The following CATSPERB variants were observed in gnomAD, a reference collection of about 807,000 sequenced individuals.
The protein encoded by CATSPERB is catsper channel auxiliary subunit beta.
Under a neutral mutation model 128.3 loss-of-function variants are expected in CATSPERB, and 93 were observed. The observed-to-expected ratio is 0.72, with a 90% CI of 0.61 to 0.86. The LOEUF (loss-of-function observed/expected upper bound fraction) is 0.86, where lower values mean the gene tolerates loss of function less well. Among genes scored for constraint, CATSPERB ranks in the 40% least tolerant of loss-of-function variants. The pLI is 0.00. For missense variants in CATSPERB, 1,153 were observed against 1,329.5 expected (o/e 0.87, Z 2.06); for synonymous variants, 381 against 448.8 (o/e 0.85, Z 1.91).
chr14:91,650,382 A>C (rs1281025137), intron 15 of CATSPERB, among the ~76,000 whole-genome samples: 2 of 152,162 alleles, frequency 1.3e-5, no homozygotes, highest in East Asian at 3.9e-4. Flanking sequence ...AATCACCATA[A>C]TTTGTTGTAG....
At chr14:91,675,837 G>A (rs1895183479) in intron 11 of CATSPERB, among the ~76,000 whole-genome samples, 1 of 152,142 alleles carries the variant, frequency 6.6e-6, no homozygotes, top group African/African-American at 2.4e-5. Flanking sequence ...CTCTTTCTCG[G>A]ACCCCAAAGT....
intron 1 of CATSPERB, among the ~76,000 whole-genome samples, chr14:91,730,053 C>G (rs56238219): frequency 0.09 from 13,701 of 152,188 alleles, 680 homozygotes; most frequent in Middle Eastern, 0.13. Context: ...CTGTAATGCA[C>G]TCCACTACGT....
chr14:91,698,070 TC>T (rs1336041123), intron 7 of CATSPERB, among the ~76,000 whole-genome samples: 1 of 152,134 alleles, frequency 6.6e-6, no homozygotes, highest in Non-Finnish European at 1.5e-5. Flanking sequence ...TGTTTTGTAC[TC>T]CTCCTTGTAG....
chr14:91,589,579 G>T lies in CATSPERB; in HGVS notation c.2911C>A (p.Leu971Met), dbSNP rs1166885672. Residue 971 changes from leucine (L) to methionine (M), a missense_variant, in exon 24 of 27, where the codon CTG (leucine) becomes ATG (methionine). Physicochemically the swap from Leu to Met is conservative, Grantham distance 15 (BLOSUM62 2). Transcript: ENST00000256343. Reference protein sequence around the residue: ...DGRVPLQSPYLVTVTEVNMRH... With the variant: ...DGRVPLQSPYMVTVTEVNMRH... ...ATGTTCACTTCAGTCACAGTAACCAGATATGGAGATTGCAATGGGACACGT... is the reference window on the plus strand; with the variant it reads ...ATGTTCACTTCAGTCACAGTAACCATATATGGAGATTGCAATGGGACACGT... 1.2e-6 allele frequency: 2 copies of T among 1,613,878 alleles called. No individual in the cohort carries two copies. Among genetic ancestry groups the T allele is most frequent in the African/African-American group, 2.7e-5 (2 of 74,914 alleles).
Position 91,724,086 on chromosome 14 carries a change from C to CT in CATSPERB, c.169-898dup, listed in dbSNP as rs1012446302. Among the ~76,000 whole-genome samples the CT allele has an allele frequency of 2.6e-5, 4 of 152,118 alleles. No individual in the cohort carries two copies. The South Asian group carries it at 6.2e-4, about 24-fold the overall frequency. On this transcript the variant is annotated intron_variant, in intron 3 of 26. Coordinates refer to ENST00000256343, the MANE Select transcript of CATSPERB (RefSeq NM_024764.4). ...ATTAAATGTCATAATGAACATTAAACTTTTTTTTAAAATGCCTGATACACA... is the reference window on the plus strand; with the variant it reads ...ATTAAATGTCATAATGAACATTAAACTTTTTTTTTAAAATGCCTGATACACA...
At chr14:91,725,941 T>C (rs990244077) in intron 2 of CATSPERB, among the ~76,000 whole-genome samples, 1 of 151,920 alleles carries the variant, frequency 6.6e-6, no homozygotes, top group African/African-American at 2.4e-5. Context: ...TAAGCAAGGA[T>C]ATGAACAGAA....
chr14:91,674,032 C>T (rs1895148122), intron 12 of CATSPERB, 144 bp downstream of exon 12: 2 of 563,302 alleles, frequency 3.6e-6, no homozygotes, highest in Non-Finnish European at 6.3e-6. Flanking sequence ...ACTAATAAAC[C>T]CAAGTAGAAA....
At chr14:91,697,699 C>T (rs1895586360) in intron 7 of CATSPERB, among the ~76,000 whole-genome samples, 1 of 151,978 alleles carries the variant, frequency 6.6e-6, no homozygotes, top group African/African-American at 2.4e-5. Flanking sequence ...AGGGGTGTGG[C>T]TTTATTTCTG....
At chr14:91,629,112 C>A (rs1051861622) in intron 17 of CATSPERB, among the ~76,000 whole-genome samples, 11 of 152,022 alleles carry the variant, frequency 7.2e-5, no homozygotes, top group African/African-American at 2.4e-4. Flanking sequence ...TTGGAAGCAA[C>A]CAAGATGTTC....
chr14:91,670,037 T>C, intron 13 of CATSPERB, 65 bp from the exon 14 acceptor site: 4 of 1,379,502 alleles, frequency 2.9e-6, no homozygotes, highest in Non-Finnish European at 4.1e-6. Context: ...GAATTTCCTG[T>C]TACTTGCATT....
intron 20 of CATSPERB, among the ~76,000 whole-genome samples, chr14:91,617,122 C>G (rs1044013041): frequency 6.6e-6 from 1 of 152,040 alleles, no homozygotes; most frequent in African/African-American, 2.4e-5. Flanking sequence ...AAAAGGAGTC[C>G]AAGTTAAACA....
chr14:91,654,755 A>G (rs1894760159), intron 15 of CATSPERB, among the ~76,000 whole-genome samples: 1 of 152,164 alleles, frequency 6.6e-6, no homozygotes. Flanking sequence ...CCTAGAGTGA[A>G]CATAGGTAGT....
intron 11 of CATSPERB, among the ~76,000 whole-genome samples, chr14:91,679,523 T>C (rs1380080285): frequency 6.6e-6 from 1 of 152,164 alleles, no homozygotes; most frequent in African/African-American, 2.4e-5. Flanking sequence ...ATAATTTCTA[T>C]GTTGTCTTTA....
intron 7 of CATSPERB, among the ~76,000 whole-genome samples, chr14:91,702,208 G>A (rs974238696): frequency 4.0e-5 from 6 of 151,836 alleles, no homozygotes; most frequent in East Asian, 2.0e-4. Flanking sequence ...ATTGGTGTTT[G>A]GATAAAGACG....
At chr14:91,648,450 T>A (rs76515769) in intron 15 of CATSPERB, among the ~76,000 whole-genome samples, 1,649 of 152,312 alleles carry the variant, frequency 0.011, 24 homozygotes, top group African/African-American at 0.036. Context: ...CATGGAATGT[T>A]CCCTTATAGT....
chr14:91,666,342 C>T (rs752061666), intron 14 of CATSPERB, among the ~76,000 whole-genome samples: 5 of 152,166 alleles, frequency 3.3e-5, no homozygotes, highest in Non-Finnish European at 7.4e-5. Flanking sequence ...GCGAGATAGC[C>T]AGGCCCCTCT....
At chr14:91,718,708 T>A (rs981685853) in intron 5 of CATSPERB, among the ~76,000 whole-genome samples, 1 of 152,210 alleles carries the variant, frequency 6.6e-6, no homozygotes, top group Non-Finnish European at 1.5e-5. Flanking sequence ...GTGAAAGTAT[T>A]CCCTCAGTTC....
At chr14:91,699,588 T>G (rs2139850602) in intron 7 of CATSPERB, among the ~76,000 whole-genome samples, 1 of 152,198 alleles carries the variant, frequency 6.6e-6, no homozygotes, top group Middle Eastern at 3.4e-3. Context: ...TTTTTTTTTT[T>G]TTTAGATGGA....
At chr14:91,684,295 C>G (rs1468459892) in intron 10 of CATSPERB, among the ~76,000 whole-genome samples, 1 of 152,158 alleles carries the variant, frequency 6.6e-6, no homozygotes, top group East Asian at 1.9e-4. Flanking sequence ...TCATTAGTGG[C>G]AGCTGGGTTT....
Sources: allele counts gnomAD v4.1 joint callset (sites outside exome capture counted in the v4.1 genomes callset), GRCh38; gene constraint gnomAD v4.1.1; transcripts MANE v1.5; gene names NCBI Gene and HGNC (gene_info 2026-07-23, HGNC 2026-07-21).